TMEM94: variants seen among roughly 807,000 people sequenced by gnomAD.
TMEM94 encodes the protein transmembrane protein 94, also known as ER Mg2+ ATPase.
In TMEM94, 81 loss-of-function variants were observed where a neutral mutation model predicts 158.6. That is an observed-to-expected ratio of 0.51 (90% CI 0.43 to 0.61). The LOEUF is 0.61. Ranked by LOEUF, TMEM94 falls within the 20% of genes least tolerant of loss-of-function variation. The probability of loss-of-function intolerance (pLI) is 0.00; values close to 1 mark genes in which losing one functional copy is unlikely to be tolerated. For synonymous variants in TMEM94, 751 were observed against 730.7 expected (o/e 1.03, Z -0.45); for missense variants, 1,435 against 1,762.0 (o/e 0.81, Z 3.32).
chr17:75,475,258 CT>C (rs2050638918), intron 2 of TMEM94, among the ~76,000 whole-genome samples: 1 of 152,312 alleles, frequency 6.6e-6, no homozygotes, highest in East Asian at 1.9e-4. Flanking sequence ...CGGGCCCTCC[CT>C]TCTGTTCTCA....
intron 18 of TMEM94, 112 bp from the exon 19 acceptor site, chr17:75,494,514 TG>T: frequency 9.9e-7 from 1 of 1,005,734 alleles, no homozygotes; most frequent in Non-Finnish European, 1.5e-6. Flanking sequence ...TGGCTGTGTG[TG>T]GTCCCCTGGG....
Position 75,471,662 on chromosome 17 carries a change from C to T in TMEM94, c.-106-138C>T, listed in dbSNP as rs139462481. 1.8e-3 allele frequency: 734 copies of T among 414,496 alleles called. 12 individuals are homozygous for T. The East Asian group carries it at 0.031, about 18-fold the overall frequency. The allele number at this position is 414,496 out of a possible 1,614,324, so 25.7% of individuals were successfully genotyped here. On this transcript the variant is annotated intron_variant, in intron 1 of 31. Coordinates refer to ENST00000314256, the MANE Select transcript of TMEM94 (RefSeq NM_014738.6). ...CCAGGAGACAGAGTTTGCAGTGAGC[C>T]GAGATCGCGCCACTGCACTCCAGCC... is the stretch of plus-strand genomic sequence containing the variant.
Position 75,489,848 on chromosome 17 carries a change from C to T in TMEM94, c.954+186C>T, listed in dbSNP as rs566948375. On this transcript the variant is annotated intron_variant, in intron 9 of 31. Coordinates refer to ENST00000314256, the MANE Select transcript of TMEM94 (RefSeq NM_014738.6). This position sits in a 1 kb window ranked among gnomAD's most constrained non-coding sequence, Gnocchi z 5.0. ...GTAATCCAAGCACTTTGGGAGGCCA[C>T]GGCAGGCAGATCATGAGGTCAAGAG... The T allele has an allele frequency of 1.8e-3, 1,092 of 616,982 alleles. 15 individuals carry two copies. In the South Asian group the frequency reaches 0.02, roughly 11 times the overall value. 38.2% of individuals were successfully genotyped at this position (616,982 alleles called of 1,614,324 possible).
intron 1 of TMEM94, among the ~76,000 whole-genome samples, chr17:75,458,996 G>A (rs1199609374): frequency 4.0e-5 from 6 of 151,080 alleles, no homozygotes; most frequent in African/African-American, 1.5e-4. Context: ...GGCAGAGCTT[G>A]CAGTGAGCCG....
At position 75,471,730 on chromosome 17, in the gene TMEM94, G is replaced by T. The variant is rs1056188717; in HGVS notation, c.-106-70G>T. 27 of 546,244 alleles carry T rather than the reference G, an allele frequency of 4.9e-5. 1 individual carries two copies. The Admixed American group carries it at 8.1e-4, about 16-fold the overall frequency. The allele number at this position is 546,244 out of a possible 1,614,324, so 33.8% of individuals were successfully genotyped here. ...CTCCGTCTCAAAAAAAAAAAAAAAT[G>T]ATGCTGTTGTGTTTCACAGTAGCTG... On this transcript the variant is annotated intron_variant, in intron 1 of 31. Coordinates refer to ENST00000314256, the MANE Select transcript of TMEM94 (RefSeq NM_014738.6).
At position 75,489,469 on chromosome 17, in the gene TMEM94, G is replaced by A; in HGVS notation, c.867+101G>A. 2 of 1,480,834 alleles carry A rather than the reference G, an allele frequency of 1.4e-6. No homozygotes were observed. Among genetic ancestry groups the A allele is most frequent in the East Asian group, 2.3e-5 (1 of 44,076 alleles). 91.7% of individuals were successfully genotyped at this position (1,480,834 alleles called of 1,614,324 possible). ...CACATGAGCGGGAGTGAATGCAGAG[G>A]GTCCCAGAGTGAGCCAGCCTGTGGA... On this transcript the variant is annotated intron_variant, in intron 8 of 31. Coordinates refer to ENST00000314256, the MANE Select transcript of TMEM94 (RefSeq NM_014738.6). The surrounding 1 kb of genome is among the most constrained non-coding windows in gnomAD (Gnocchi z 5.0).
rs1220759374 is a variant in TMEM94, at chr17:75,492,284, C to T, written c.1597-190C>T. The T allele has an allele frequency of 4.9e-6, 7 of 1,427,376 alleles. No individual in the cohort carries two copies. Among genetic ancestry groups the T allele is most frequent in the South Asian group, 3.1e-5 (2 of 64,956 alleles). 88.4% of individuals were successfully genotyped at this position (1,427,376 alleles called of 1,614,324 possible). On this transcript the variant is annotated intron_variant, in intron 14 of 31. Transcript: ENST00000314256. This position sits in a 1 kb window ranked among gnomAD's most constrained non-coding sequence, Gnocchi z 4.4. ...TATATTAATAGTCCATAGAAGCAGA[C>T]AGGAGCCCAAGAAGGACAGGAAGCG...
Position 75,498,982 on chromosome 17 carries a change from T to C in TMEM94, c.3898T>C (p.Phe1300Leu). Residue 1300 changes from phenylalanine to leucine, a missense_variant, in exon 31 of 32, where the codon TTT becomes CTT. Phe to Leu is a conservative substitution (Grantham distance 22, BLOSUM62 0). Transcript: ENST00000314256. This position sits in a 1 kb window ranked among gnomAD's most constrained non-coding sequence, Gnocchi z 6.7. ...GACACACAGGGACAGCCACGTCCAC[T>C]TTGGCCTGGAGGACGTGCCCCTGCT... ...LWTHRDSHVH[F>L]GLEDVPLLTW... 1.2e-6 allele frequency: 2 copies of C among 1,600,404 alleles called. No individual in the cohort carries two copies. Among genetic ancestry groups the C allele is most frequent in the Non-Finnish European group, 1.7e-6 (2 of 1,174,318 alleles).
At chr17:75,478,698 C>A (rs1275971081) in intron 2 of TMEM94, among the ~76,000 whole-genome samples, 5 of 152,202 alleles carry the variant, frequency 3.3e-5, no homozygotes. Context: ...GTCAGGACTT[C>A]CTTAGAGCCG....
At chr17:75,467,700 T>G (rs2146171802) in intron 1 of TMEM94, among the ~76,000 whole-genome samples, 2 of 150,480 alleles carry the variant, frequency 1.3e-5, no homozygotes, top group Admixed American at 1.3e-4. Context: ...GCCCGGCTAA[T>G]TTTTTGTATT....
chr17:75,462,263 G>C (rs188916773), intron 1 of TMEM94, among the ~76,000 whole-genome samples: 1 of 151,874 alleles, frequency 6.6e-6, no homozygotes, highest in East Asian at 2.0e-4. Context: ...TGCCGGTCTC[G>C]ATCTCTTTAC....
At chr17:75,483,944 AC>A (rs1475471649) in intron 2 of TMEM94, among the ~76,000 whole-genome samples, 4 of 152,164 alleles carry the variant, frequency 2.6e-5, no homozygotes, top group Non-Finnish European at 5.9e-5. Flanking sequence ...GAGGTTGGTA[AC>A]GTGTCCTAGG....
chr17:75,486,720 G>T (rs954367765), intron 5 of TMEM94, among the ~76,000 whole-genome samples: 1 of 152,182 alleles, frequency 6.6e-6, no homozygotes, highest in Non-Finnish European at 1.5e-5. Flanking sequence ...CTCTCACATG[G>T]CAGGAGGATG....
chr17:75,467,429 A>C (rs1449204080), intron 1 of TMEM94, among the ~76,000 whole-genome samples: 1 of 151,588 alleles, frequency 6.6e-6, no homozygotes, highest in African/African-American at 2.4e-5. Context: ...TAGAGTCCCT[A>C]ATATTTTCTC....
intron 2 of TMEM94, among the ~76,000 whole-genome samples, chr17:75,480,297 A>G (rs941687220): frequency 1.4e-4 from 21 of 152,304 alleles, no homozygotes; most frequent in African/African-American, 4.1e-4. Context: ...GGCAGCACGT[A>G]ATTACAGAAT....
In TMEM94 at chr17:75,494,763, C is replaced by T. The variant is rs2052525660; in HGVS notation, c.2544C>T (p.Cys848=). Residue 848 remains cysteine, a synonymous_variant, in exon 19 of 32, where the codon TGC becomes TGT. Transcript: ENST00000314256. The stretch of plus-strand genomic sequence containing the variant: ...TCATTGATGGGCTTGTCAACGCCTG[C>T]ATCCGCTTTGTCTACTTCTCTTTGG... The part of the protein sequence containing the change: ...VRLIDGLVNA[C]IRFVYFSLED... 1 of 1,613,706 alleles carries T rather than the reference C, an allele frequency of 6.2e-7. No homozygotes were observed. The highest frequency in any genetic ancestry group is 8.5e-7 in the Non-Finnish European group (1 of 1,180,036).
rs1293242104 is a variant in TMEM94 at position 75,488,065 on chromosome 17, G to A, written c.543G>A (p.Leu181=). Residue 181 remains leucine (L), a synonymous_variant, in exon 6 of 32, where the codon CTG becomes CTA. Coordinates refer to ENST00000314256, the MANE Select transcript of TMEM94 (RefSeq NM_014738.6). The part of the protein sequence containing the change: ...DGHLVNLPVS[L]LVEGDIIALR... ...ACCTGGTCAACCTGCCAGTCAGCCT[G>A]CTGGTTGAAGGAGACATCATAGCTT... The A allele has an allele frequency of 3.1e-6, 5 of 1,614,092 alleles. No homozygotes were observed. The African/African-American group carries it at 6.7e-5, about 22-fold the overall frequency.
Position 75,487,560 on chromosome 17 carries a change from T to C in TMEM94, c.410-372T>C, listed in dbSNP as rs1321971625. ...TTAGCCGTGTTTGCCTTGTTTGGCG[T>C]TATCTGTCCACATGTCTCATCTGCC... On this transcript the variant is annotated intron_variant, in intron 5 of 31. Transcript: ENST00000314256. This position sits in a 1 kb window ranked among gnomAD's most constrained non-coding sequence, Gnocchi z 4.6. Among the ~76,000 whole-genome samples the C allele has an allele frequency of 6.6e-6, 1 of 152,226 alleles. No individual in the cohort carries two copies. Among genetic ancestry groups the C allele is most frequent in the East Asian group, 1.9e-4 (1 of 5,196 alleles).
Position 75,485,394 on chromosome 17 carries a change from G to A in TMEM94, c.25-34G>A. On this transcript the variant is annotated intron_variant, in intron 2 of 31. Coordinates refer to ENST00000314256, the MANE Select transcript of TMEM94 (RefSeq NM_014738.6). The surrounding 1 kb of genome is among the most constrained non-coding windows in gnomAD (Gnocchi z 5.5). ...GCGTGCCTTGCATAGCCTTGGCCTG[G>A]CAGTGACGCCCAGCGCCTCCTGCTT... The A allele has an allele frequency of 6.2e-7, 1 of 1,601,928 alleles. No individual in the cohort carries two copies. The highest frequency in any genetic ancestry group is 8.5e-7 in the Non-Finnish European group (1 of 1,171,382).
Sources: gnomAD v4.1 joint callset for allele counts (sites outside exome capture counted in the v4.1 genomes callset) on GRCh38, gnomAD v4.1.1 for gene constraint, Gnocchi (gnomAD v3.1) non-coding constraint, MANE v1.5 for transcripts, NCBI Gene and HGNC (gene_info 2026-07-23, HGNC 2026-07-21) for gene names.